The following CHAF1A variants were observed in gnomAD, a reference collection of about 807,000 sequenced individuals.
CHAF1A encodes CAF-1 subunit A.
Under a neutral mutation model 93.2 loss-of-function variants are expected in CHAF1A, and 5 were observed. That is an observed-to-expected ratio of 0.05 (90% CI 0.03 to 0.11). The LOEUF (loss-of-function observed/expected upper bound fraction) is 0.11, where lower values mean the gene tolerates loss of function less well. CHAF1A is among the 10% of genes least tolerant of loss of function. The pLI, the probability that CHAF1A is intolerant of heterozygous loss-of-function variation, is 1.00. For missense variants in CHAF1A, 1,102 were observed against 1,259.9 expected (o/e 0.87, Z 1.90); for synonymous variants, 504 against 510.3 (o/e 0.99, Z 0.17).
chr19:4,430,907 G>T (rs1974170479), intron 11 of CHAF1A: 1 of 466,586 alleles, frequency 2.1e-6, no homozygotes, highest in Admixed American at 3.5e-5. Context: ...ATGGTCTGTG[G>T]GTTAGAAGGC....
intron 3 of CHAF1A, among the ~76,000 whole-genome samples, chr19:4,411,397 T>C (rs1261080748): frequency 2.6e-5 from 4 of 152,162 alleles, no homozygotes; most frequent in African/African-American, 9.6e-5. Context: ...GCCCAGCTAA[T>C]TTTTGTATTT....
Position 4,408,461 on chromosome 19 carries a change from CTTTTTTTTTTTTTTTT to C in CHAF1A, c.104-427_104-412del, listed in dbSNP as rs778100682. Among the ~76,000 whole-genome samples, 7 of 36,012 alleles carry C rather than the reference CTTTTTTTTTTTTTTTT, an allele frequency of 1.9e-4. 1 individual carries two copies. Among genetic ancestry groups the C allele is most frequent in the Admixed American group, 1.2e-3 (3 of 2,520 alleles). The allele number at this position is 36,012 out of a possible 152,430, so 23.6% of individuals were successfully genotyped here. A position where few individuals can be genotyped will look rare whatever the true frequency, so the allele number is the denominator to read the frequency against. On this transcript the variant is annotated intron_variant, in intron 2 of 14. Transcript: ENST00000301280. The stretch of plus-strand genomic sequence containing the variant: ...CCTGCCTTGGCCTCCCGCACCCGGC[CTTTTTTTTTTTTTTTT>C]TTTTTTTTTTTTTTGAGAGGGAGTC...
At chr19:4,415,201 G>A (rs1973877111) in intron 3 of CHAF1A, among the ~76,000 whole-genome samples, 1 of 152,118 alleles carries the variant, frequency 6.6e-6, no homozygotes, top group Admixed American at 6.6e-5. Flanking sequence ...ATAAACACTT[G>A]GGTCAAATTT....
In CHAF1A at chr19:4,433,618, C is replaced by G. The variant is rs377189990; in HGVS notation, c.2673+79C>G. 1 of 1,126,118 alleles carries G rather than the reference C, an allele frequency of 8.9e-7. No homozygotes were observed. The highest frequency in any genetic ancestry group is 2.6e-5 in the East Asian group (1 of 38,798). The allele number at this position is 1,126,118 out of a possible 1,614,324, so 69.8% of individuals were successfully genotyped here. On this transcript the variant is annotated intron_variant, in intron 13 of 14. Coordinates refer to ENST00000301280, the MANE Select transcript of CHAF1A (RefSeq NM_005483.3). This position sits in a 1 kb window ranked among gnomAD's most constrained non-coding sequence, Gnocchi z 5.6. ...GTTTTTTGTTGTTTTGTTTTTTTTT[C>G]GAGATGGAGTCCTGCTCTGTCACCC... is the stretch of plus-strand genomic sequence containing the variant.
intron 3 of CHAF1A, among the ~76,000 whole-genome samples, chr19:4,413,186 C>G (rs1477881060): frequency 1.3e-5 from 2 of 152,176 alleles, no homozygotes; most frequent in East Asian, 3.9e-4. Flanking sequence ...ATTCTCCTGT[C>G]TCAACCTCCC....
intron 13 of CHAF1A, among the ~76,000 whole-genome samples, chr19:4,438,451 G>A (rs757708043): frequency 3.3e-5 from 5 of 151,948 alleles, no homozygotes; most frequent in East Asian, 1.9e-4. Flanking sequence ...CACCTGCCTC[G>A]GCCTCCCAAA....
At chr19:4,404,710 A>G (rs1320608516) in intron 1 of CHAF1A, among the ~76,000 whole-genome samples, 2 of 152,200 alleles carry the variant, frequency 1.3e-5, no homozygotes, top group African/African-American at 4.8e-5. Flanking sequence ...AGATTAACCA[A>G]AATAACTAAA....
intron 4 of CHAF1A, among the ~76,000 whole-genome samples, chr19:4,419,677 C>T (rs1973956459): frequency 6.6e-6 from 1 of 152,116 alleles, no homozygotes; most frequent in South Asian, 2.1e-4. Context: ...GTGATCCACC[C>T]ACCTTGGCTT....
intron 13 of CHAF1A, among the ~76,000 whole-genome samples, chr19:4,436,958 A>T (rs868337911): frequency 6.6e-6 from 1 of 152,308 alleles, no homozygotes; most frequent in Non-Finnish European, 1.5e-5. Context: ...AACCACAAGG[A>T]AAGAAGGGTG....
Position 4,443,322 on chromosome 19 carries a change from A to C in CHAF1A, c.*297A>C. 2.6e-6 allele frequency: 1 copy of C among 387,100 alleles called. No individual in the cohort carries two copies. 24.0% of individuals were successfully genotyped at this position (387,100 alleles called of 1,614,324 possible). ...ATACTTGTAAATGAATTGAAGCGTCAGGACCACCCGCCTGGCCACGTGCGC... is the reference window on the plus strand; with the variant it reads ...ATACTTGTAAATGAATTGAAGCGTCCGGACCACCCGCCTGGCCACGTGCGC... On this transcript the variant is annotated 3_prime_UTR_variant, in exon 15 of 15. Coordinates refer to ENST00000301280, the MANE Select transcript of CHAF1A (RefSeq NM_005483.3).
intron 11 of CHAF1A, among the ~76,000 whole-genome samples, chr19:4,431,632 T>G (rs1350550707): frequency 1.3e-5 from 2 of 151,946 alleles, no homozygotes; most frequent in African/African-American, 4.8e-5. Context: ...CTGGGCCATG[T>G]GGGTAGACAC....
At chr19:4,447,422 C>G, downstream of CHAF1A, 1 of 1,005,344 alleles carries the variant, frequency 9.9e-7, no homozygotes, top group Non-Finnish European at 1.5e-6. Flanking sequence ...GAACCCTTCA[C>G]TGCTTGTGGC....
intron 3 of CHAF1A, among the ~76,000 whole-genome samples, chr19:4,414,883 T>C (rs1973871062): frequency 6.6e-6 from 1 of 152,120 alleles, no homozygotes; most frequent in Non-Finnish European, 1.5e-5. Context: ...TTTTCTCTTT[T>C]CCCCCCTGCC....
At chr19:4,449,702 A>T (rs1197738591), downstream of CHAF1A, 1 of 152,288 alleles carries the variant, frequency 6.6e-6, no homozygotes, top group Non-Finnish European at 1.5e-5. Context: ...AAGGAACAGC[A>T]GCCAGGAAGG....
chr19:4,409,286 G>A lies in CHAF1A; in HGVS notation c.487G>A (p.Ala163Thr), dbSNP rs529839301. ...TGGGGATCAGCAGGGGTTGTTGAAG[G>A]CCATTCAGAACGACAAGTTGGCATT... ...DTGDQQGLLK[A>T]IQNDKLAFPG... Residue 163 changes from alanine (A) to threonine (T), a missense_variant, in exon 3 of 15, where the codon GCC (alanine) becomes ACC (threonine). Physicochemically the swap from Ala to Thr is moderately conservative, Grantham distance 58 (BLOSUM62 0). Coordinates refer to ENST00000301280, the MANE Select transcript of CHAF1A (RefSeq NM_005483.3). 3.1e-6 allele frequency: 5 copies of A among 1,614,100 alleles called. No individual in the cohort carries two copies. Among genetic ancestry groups the A allele is most frequent in the African/African-American group, 1.3e-5 (1 of 75,004 alleles).
intron 1 of CHAF1A, among the ~76,000 whole-genome samples, chr19:4,404,371 A>G (rs915721952): frequency 5.9e-5 from 9 of 152,142 alleles, no homozygotes; most frequent in African/African-American, 1.9e-4. Flanking sequence ...TTTCTGTTCC[A>G]CTTGCACCAA....
intron 7 of CHAF1A, among the ~76,000 whole-genome samples, chr19:4,427,144 T>C (rs1404454110): frequency 1.1e-5 from 1 of 87,008 alleles, no homozygotes; most frequent in African/African-American, 5.3e-5. Flanking sequence ...GTCTTTTTTT[T>C]TTTTTTTTTT....
At chr19:4,441,030 T>C (rs950121657) in intron 13 of CHAF1A, among the ~76,000 whole-genome samples, 2 of 140,876 alleles carry the variant, frequency 1.4e-5, no homozygotes, top group Admixed American at 7.3e-5. Flanking sequence ...AGCAAAAATA[T>C]CGTTGCGGCT....
chr19:4,408,780 G>A, intron 2 of CHAF1A, 123 bp from the exon 3 acceptor site: 1 of 1,270,022 alleles, frequency 7.9e-7, no homozygotes, highest in South Asian at 1.5e-5. Context: ...GGCCCAGATA[G>A]TCCCTTTTTA....
Sources: gnomAD v4.1 joint callset for allele counts (sites outside exome capture counted in the v4.1 genomes callset) on GRCh38, gnomAD v4.1.1 for gene constraint, Gnocchi (gnomAD v3.1) non-coding constraint, MANE v1.5 for transcripts, NCBI Gene and HGNC (gene_info 2026-07-23, HGNC 2026-07-21) for gene names.